The following ASAP2 variants were observed in gnomAD, a reference collection of about 807,000 sequenced individuals.
The protein encoded by ASAP2 is ArfGAP with SH3 domain, ankyrin repeat and PH domain 2.
ASAP2 carries 45 observed loss-of-function variants against 131.4 expected under a neutral mutation model. That is an observed-to-expected ratio of 0.34 (90% CI 0.27 to 0.44). The LOEUF (loss-of-function observed/expected upper bound fraction) is 0.44, where lower values mean the gene tolerates loss of function less well. Among genes scored for constraint, ASAP2 ranks in the 20% least tolerant of loss-of-function variants. The pLI, the probability that ASAP2 is intolerant of heterozygous loss-of-function variation, is 1.00. For missense variants in ASAP2, 1,011 were observed against 1,297.0 expected, an observed-to-expected ratio of 0.78 and a Z score of 3.39; for synonymous variants, 510 against 503.0, an observed-to-expected ratio of 1.01 and a Z score of -0.19.
At position 9,385,337 on chromosome 2, in the gene ASAP2, C is replaced by T. The variant is rs766672954; in HGVS notation, c.2109C>T (p.Asp703=). 4.6e-5 allele frequency: 74 copies of T among 1,613,732 alleles called. No individual in the cohort carries two copies. Among genetic ancestry groups the T allele is most frequent in the African/African-American group, 2.0e-4 (15 of 74,910 alleles). The change falls in exon 21 of 28, where the codon GAC becomes GAT. Residue 703 remains aspartate, a synonymous_variant. Coordinates refer to ENST00000281419, the MANE Select transcript of ASAP2 (RefSeq NM_003887.3). ...LLHEDLDESD[D]DMDEKLQPSP... ...ACGAAGACCTGGATGAAAGTGATGA[C>T]GACATGGATGAGAAATTGCAGGTCT...
In ASAP2 at chr2:9,207,332, A is replaced by G; in HGVS notation, c.126+102A>G. 1 of 1,399,422 alleles carries G rather than the reference A, an allele frequency of 7.1e-7. No homozygotes were observed. The highest frequency in any genetic ancestry group is 9.3e-7 in the Non-Finnish European group (1 of 1,072,790). 86.7% of individuals were successfully genotyped at this position (1,399,422 alleles called of 1,614,324 possible). A position where few individuals can be genotyped will look rare whatever the true frequency, so the allele number is the denominator to read the frequency against. ...CCCGAGAAAACTTTCTTTGCTCCGAAGCCGGACGCGGCCGGGCCAACCCTG... is the reference window on the plus strand; with the variant it reads ...CCCGAGAAAACTTTCTTTGCTCCGAGGCCGGACGCGGCCGGGCCAACCCTG... On this transcript the variant is annotated intron_variant, in intron 1 of 27. Transcript: ENST00000281419. The surrounding 1 kb of genome is among the most constrained non-coding windows in gnomAD (Gnocchi z 4.1).
intron 27 of ASAP2, among the ~76,000 whole-genome samples, chr2:9,401,785 C>T (rs959193942): frequency 6.6e-6 from 1 of 152,254 alleles, no homozygotes; most frequent in African/African-American, 2.4e-5. Context: ...CTGAAACAAG[C>T]TGTGGCCGCC....
At chr2:9,233,661 C>T (rs1663328426) in intron 1 of ASAP2, among the ~76,000 whole-genome samples, 1 of 152,226 alleles carries the variant, frequency 6.6e-6, no homozygotes, top group Non-Finnish European at 1.5e-5. Context: ...ACCTGTGTGG[C>T]CATGGGCAAA....
In ASAP2 at chr2:9,371,842, C is replaced by T. The variant is rs189177729; in HGVS notation, c.1557-2913C>T. Among the ~76,000 whole-genome samples, 154 of 152,168 alleles carry T rather than the reference C, an allele frequency of 1.0e-3. No individual in the cohort carries two copies. In the Middle Eastern group the frequency reaches 0.027, roughly 27 times the overall value. ...ATTAAAAAAAAGAGGGAGGGCCGGGCGCGGTGGCTCACGCCTGTAATCCCA... is the reference window on the plus strand; with the variant it reads ...ATTAAAAAAAAGAGGGAGGGCCGGGTGCGGTGGCTCACGCCTGTAATCCCA... On this transcript the variant is annotated intron_variant, in intron 16 of 27. Transcript: ENST00000281419.
intron 11 of ASAP2, among the ~76,000 whole-genome samples, chr2:9,347,502 C>T (rs1342732003): frequency 6.6e-6 from 1 of 152,132 alleles, no homozygotes; most frequent in Non-Finnish European, 1.5e-5. Flanking sequence ...CACATAGCTG[C>T]GAAGCAGGTC....
rs766456811 is a variant in ASAP2, at chr2:9,388,385, A to T, written c.2222A>T (p.Asp741Val). Residue 741 changes from aspartate (D) to valine (V), a missense_variant, in exon 22 of 28, where the codon GAT (aspartate) becomes GTT (valine). Asp to Val is a radical substitution (Grantham distance 152). Around this residue, in one of 2 missense-constraint regions of ASAP2, gnomAD observed 652 missense variants for 698.9 expected, o/e 0.93. Transcript: ENST00000281419. ...TCTAACGCTGTATCTTTGGCCAGAG[A>T]TGCTGCAAACCTTGCCAAGGAGAAG... The part of the protein sequence containing the change: ...LQSNAVSLAR[D>V]AANLAKEKQR... The T allele has an allele frequency of 6.2e-7, 1 of 1,614,164 alleles. No homozygotes were observed. Among genetic ancestry groups the T allele is most frequent in the Admixed American group, 1.7e-5 (1 of 60,026 alleles).
intron 11 of ASAP2, among the ~76,000 whole-genome samples, chr2:9,345,352 G>A (rs1180788420): frequency 6.6e-6 from 1 of 152,156 alleles, no homozygotes; most frequent in Admixed American, 6.5e-5. Context: ...GTTTATCAGA[G>A]TCTATGCAAG....
At position 9,356,152 on chromosome 2, in the gene ASAP2, A is replaced by G. The variant is rs112483192; in HGVS notation, c.1161-27A>G. On this transcript the variant is annotated intron_variant, in intron 13 of 27. Transcript: ENST00000281419. Reference sequence around the variant, plus strand: ...GACTCAGCCGTTGTTTGTGGAATTTAACACAGCGTTGCTCTTGTTTTTCTA... The same window carrying G: ...GACTCAGCCGTTGTTTGTGGAATTTGACACAGCGTTGCTCTTGTTTTTCTA... The G allele has an allele frequency of 7.6e-4, 1,222 of 1,614,186 alleles. 12 individuals carry two copies. In the African/African-American group the frequency reaches 0.015, roughly 19 times the overall value.
intron 26 of ASAP2, 115 bp downstream of exon 26, chr2:9,400,945 G>A: frequency 2.7e-6 from 3 of 1,128,742 alleles, no homozygotes; most frequent in Non-Finnish European, 3.8e-6. Flanking sequence ...GGGCAGGGCG[G>A]GGCTCTTCTT....
intron 17 of ASAP2, 45 bp from the exon 18 acceptor site, chr2:9,376,863 A>G (rs1413028797): frequency 6.5e-7 from 1 of 1,539,080 alleles, no homozygotes; most frequent in East Asian, 2.2e-5. Context: ...CACAGAATTG[A>G]ATGCTCCCAT....
At chr2:9,326,669 C>G (rs1370067455) in intron 6 of ASAP2, among the ~76,000 whole-genome samples, 2 of 152,158 alleles carry the variant, frequency 1.3e-5, no homozygotes, top group South Asian at 2.1e-4. Context: ...ATAAGTAGAT[C>G]TTTCGCTGCT....
At chr2:9,393,745 A>G (rs1415059272) in intron 24 of ASAP2, 98 bp downstream of exon 24, 64 of 1,301,598 alleles carry the variant, frequency 4.9e-5, no homozygotes, top group Non-Finnish European at 6.4e-5. Context: ...CAGGGCTCCT[A>G]CTCCAGCGTG....
At position 9,371,933 on chromosome 2, in the gene ASAP2, G is replaced by A. The variant is rs137930394; in HGVS notation, c.1557-2822G>A. On this transcript the variant is annotated intron_variant, in intron 16 of 27. Transcript: ENST00000281419. ...AGATCGAGACCATCCTGGCTAACAC[G>A]GTGAAACCCCATCTGAGGGATCACA... Among the ~76,000 whole-genome samples the A allele has an allele frequency of 3.3e-3, 498 of 152,126 alleles. 3 individuals carry two copies. Among genetic ancestry groups the A allele is most frequent in the Middle Eastern group, 0.01 (3 of 294 alleles).
intron 20 of ASAP2, among the ~76,000 whole-genome samples, chr2:9,383,275 TA>T (rs1363642387): frequency 6.6e-6 from 1 of 151,758 alleles, no homozygotes; most frequent in Admixed American, 6.6e-5. Context: ...ACAATTTTTT[TA>T]AAAAAAGACA....
At chr2:9,252,860 G>A (rs1318214724) in intron 1 of ASAP2, among the ~76,000 whole-genome samples, 2 of 150,008 alleles carry the variant, frequency 1.3e-5, no homozygotes, top group Non-Finnish European at 3.0e-5. Context: ...AGCTTGCAGT[G>A]AGCCGAGATC....
At chr2:9,363,359 C>G (rs1226714665) in intron 15 of ASAP2, among the ~76,000 whole-genome samples, 2 of 152,124 alleles carry the variant, frequency 1.3e-5, no homozygotes, top group Non-Finnish European at 2.9e-5. Context: ...ACCTCCATAA[C>G]CATTTTCTAT....
chr2:9,208,032 T>G (rs1239975193), intron 1 of ASAP2, among the ~76,000 whole-genome samples: 5 of 152,130 alleles, frequency 3.3e-5, no homozygotes, highest in Non-Finnish European at 7.4e-5. Flanking sequence ...GGTTGAAAAT[T>G]AAAGCCGTGG....
intron 3 of ASAP2, among the ~76,000 whole-genome samples, chr2:9,310,941 A>G (rs1306408366): frequency 1.3e-5 from 2 of 152,220 alleles, no homozygotes; most frequent in African/African-American, 2.4e-5. Context: ...TAATAGCTCT[A>G]TGTGCTGCCT....
At chr2:9,401,639 A>C (rs1676681058) in intron 27 of ASAP2, among the ~76,000 whole-genome samples, 1 of 152,164 alleles carries the variant, frequency 6.6e-6, no homozygotes, top group Non-Finnish European at 1.5e-5. Context: ...CACAGCACTC[A>C]TGAGGGCCTG....
Sources: gnomAD v4.1 joint callset for allele counts (sites outside exome capture counted in the v4.1 genomes callset) on GRCh38, gnomAD v4.1.1 for gene constraint, gnomAD v4.1.1 regional missense constraint, Gnocchi (gnomAD v3.1) non-coding constraint, MANE v1.5 for transcripts, NCBI Gene and HGNC (gene_info 2026-07-23, HGNC 2026-07-21) for gene names.